Variants in ATP9B observed in about 807,000 individuals in gnomAD.
ATP9B encodes the protein ATPase phospholipid transporting 9B.
In ATP9B, 110 loss-of-function variants were observed where a neutral mutation model predicts 146.1. That is an observed-to-expected ratio of 0.75 (90% CI 0.65 to 0.88). ATP9B has a LOEUF of 0.88. Ranked by LOEUF, ATP9B falls within the 40% of genes least tolerant of loss-of-function variation. The pLI is 0.00. For missense variants in ATP9B, 1,499 were observed against 1,496.4 expected (o/e 1.00, Z -0.03); for synonymous variants, 604 against 569.7 (o/e 1.06, Z -0.86).
intron 29 of ATP9B, among the ~76,000 whole-genome samples, chr18:79,376,745 AGTGCAGTGGC>A (rs2097105587): frequency 1.4e-5 from 2 of 139,240 alleles, no homozygotes; most frequent in African/African-American, 5.5e-5. Context: ...CCCAGGCTGG[AGTGCAGTGGC>A]GTGATCTGAG....
intron 26 of ATP9B, 80 bp from the exon 27 acceptor site, chr18:79,372,745 G>T: frequency 2.2e-6 from 2 of 921,332 alleles, no homozygotes; most frequent in South Asian, 2.6e-5. Flanking sequence ...TTTCAGAAGT[G>T]ACCCATAGCT....
At chr18:79,334,171 C>G (rs1458917033) in intron 17 of ATP9B, among the ~76,000 whole-genome samples, 1 of 152,044 alleles carries the variant, frequency 6.6e-6, no homozygotes, top group Non-Finnish European at 1.5e-5. Flanking sequence ...TCCTGGCCAA[C>G]ATGGTGAAAC....
intron 26 of ATP9B, among the ~76,000 whole-genome samples, chr18:79,364,968 T>G (rs552327869): frequency 1.8e-3 from 269 of 152,086 alleles, no homozygotes; most frequent in Non-Finnish European, 3.1e-3. Flanking sequence ...AGTTGGAGGC[T>G]GCAGTGAGCT....
intron 12 of ATP9B, among the ~76,000 whole-genome samples, chr18:79,262,725 A>T (rs1283536939): frequency 6.6e-6 from 1 of 152,130 alleles, no homozygotes; most frequent in Non-Finnish European, 1.5e-5. Context: ...CCATACATGA[A>T]CCCTGAGGGT....
intron 25 of ATP9B, among the ~76,000 whole-genome samples, chr18:79,348,646 C>T (rs2096905495): frequency 6.6e-6 from 1 of 152,234 alleles, no homozygotes; most frequent in South Asian, 2.1e-4. Flanking sequence ...CACTGTTGGT[C>T]TCTCCTGGGC....
intron 12 of ATP9B, among the ~76,000 whole-genome samples, chr18:79,256,878 A>C (rs1279453738): frequency 6.6e-6 from 1 of 152,226 alleles, no homozygotes; most frequent in Non-Finnish European, 1.5e-5. Flanking sequence ...ATTCTTGATC[A>C]GTCTTTTTTC....
At chr18:79,326,640 T>G (rs570518056) in intron 15 of ATP9B, among the ~76,000 whole-genome samples, 260 of 152,324 alleles carry the variant, frequency 1.7e-3, no homozygotes, top group Non-Finnish European at 2.9e-3. Flanking sequence ...CCCCACACAG[T>G]GCCCTGCTGT....
At chr18:79,349,153 A>G (rs574211350) in intron 25 of ATP9B, among the ~76,000 whole-genome samples, 31 of 152,310 alleles carry the variant, frequency 2.0e-4, no homozygotes, top group African/African-American at 7.5e-4. Context: ...CTCTGTGGTT[A>G]TGACTAGAAA....
chr18:79,232,836 G>C (rs1391572300), intron 11 of ATP9B, among the ~76,000 whole-genome samples: 6 of 152,190 alleles, frequency 3.9e-5, no homozygotes, highest in Non-Finnish European at 8.8e-5. Context: ...CAGAAATGAA[G>C]AATGTCCTTG....
chr18:79,197,614 T>A (rs1296510559), intron 9 of ATP9B, among the ~76,000 whole-genome samples: 1 of 152,118 alleles, frequency 6.6e-6, no homozygotes, highest in Non-Finnish European at 1.5e-5. Flanking sequence ...TTGCATATAA[T>A]AATTCTCAGA....
chr18:79,136,554 C>T (rs2094449726), intron 5 of ATP9B, among the ~76,000 whole-genome samples: 2 of 152,170 alleles, frequency 1.3e-5, no homozygotes, highest in South Asian at 4.1e-4. Context: ...CTTCCCTCTC[C>T]AGTGTCAAGG....
chr18:79,158,134 C>T (rs76769809), intron 7 of ATP9B, among the ~76,000 whole-genome samples: 4,803 of 152,106 alleles, frequency 0.032, 115 homozygotes, highest in Non-Finnish European at 0.042. Flanking sequence ...TACAGGTGTT[C>T]ATAACTACAA....
At position 79,337,282 on chromosome 18, in the gene ATP9B, C is replaced by T; in HGVS notation, c.2116C>T (p.Arg706Ter). 3 of 1,613,864 alleles carry T rather than the reference C, an allele frequency of 1.9e-6. No homozygotes were observed. Among genetic ancestry groups the T allele is most frequent in the African/African-American group, 1.3e-5 (1 of 75,048 alleles). Residue 706 changes from arginine to a stop codon, truncating the protein, a stop_gained, in exon 19 of 30, where the codon CGA becomes TGA. Coordinates refer to ENST00000426216, the MANE Select transcript of ATP9B (RefSeq NM_198531.5). LOFTEE classifies it high-confidence loss of function. ...TEEQYQDFES[R>*]YTQAKLSMHD... ...GCGCCTCCCCCTCTGTCCCCAGAGC[C>T]GATACACTCAAGCCAAGCTGAGCAT...
At chr18:79,146,859 A>G (rs1282736359) in intron 6 of ATP9B, 1 of 152,636 alleles carries the variant, frequency 6.6e-6, no homozygotes, top group African/African-American at 2.4e-5. Flanking sequence ...AAACCAACTG[A>G]AAACAAATAA....
At chr18:79,129,582 C>A (rs1317193762) in intron 5 of ATP9B, among the ~76,000 whole-genome samples, 1 of 152,028 alleles carries the variant, frequency 6.6e-6, no homozygotes, top group Non-Finnish European at 1.5e-5. Flanking sequence ...GGAAGAGAGA[C>A]TTTAGAGACC....
At chr18:79,297,056 GAGA>G (rs1370846210) in intron 13 of ATP9B, among the ~76,000 whole-genome samples, 1 of 151,122 alleles carries the variant, frequency 6.6e-6, no homozygotes, top group African/African-American at 2.4e-5. Context: ...ATGACCCAGA[GAGA>G]AGACAGAGAG....
chr18:79,285,633 T>C (rs1377187103), intron 13 of ATP9B, among the ~76,000 whole-genome samples: 3 of 152,170 alleles, frequency 2.0e-5, no homozygotes, highest in African/African-American at 7.2e-5. Flanking sequence ...TAGATCCCAT[T>C]TGTCAATTTT....
At chr18:79,334,556 C>T (rs1345421577) in intron 17 of ATP9B, among the ~76,000 whole-genome samples, 1 of 152,058 alleles carries the variant, frequency 6.6e-6, no homozygotes. Flanking sequence ...CTGTCCTGAG[C>T]CCCGTCCTGG....
At chr18:79,213,003 T>C (rs897852711) in intron 10 of ATP9B, among the ~76,000 whole-genome samples, 7 of 152,280 alleles carry the variant, frequency 4.6e-5, no homozygotes, top group African/African-American at 9.6e-5. Context: ...ATGTAACATA[T>C]CAAGGTTCAC....
Sources: gnomAD v4.1 joint callset for allele counts (sites outside exome capture counted in the v4.1 genomes callset) on GRCh38, gnomAD v4.1.1 for gene constraint, MANE v1.5 for transcripts, NCBI Gene and HGNC (gene_info 2026-07-23, HGNC 2026-07-21) for gene names.